Variants in STK33 observed in about 807,000 individuals in gnomAD.
STK33 encodes serine/threonine-protein kinase 33.
STK33 carries 52 observed loss-of-function variants against 58.0 expected under a neutral mutation model. That is an observed-to-expected ratio of 0.90 (90% CI 0.72 to 1.13). The LOEUF (loss-of-function observed/expected upper bound fraction) is 1.13. STK33 is among the 50% of genes most tolerant of loss of function. STK33 has a pLI of 0.00. For synonymous variants in STK33, 215 were observed against 200.1 expected, an observed-to-expected ratio of 1.07 and a Z score of -0.63; for missense variants, 630 against 604.2, an observed-to-expected ratio of 1.04 and a Z score of -0.45.
the STK33 span, among the ~76,000 whole-genome samples, chr11:8,377,243 G>A: frequency 6.6e-6 from 1 of 152,214 alleles, no homozygotes; most frequent in Non-Finnish European, 1.5e-5. Flanking sequence ...TGGATCCATT[G>A]CCTAGGCAGG....
intron 11 of STK33, among the ~76,000 whole-genome samples, chr11:8,451,308 A>G: frequency 6.6e-6 from 1 of 152,242 alleles, no homozygotes; most frequent in Middle Eastern, 3.2e-3. Flanking sequence ...ATTATTCATA[A>G]TAGCCATAAA....
intron 15 of STK33, among the ~76,000 whole-genome samples, chr11:8,411,456 C>T (rs557102445): frequency 2.5e-3 from 379 of 152,222 alleles, no homozygotes; most frequent in Non-Finnish European, 4.2e-3. Flanking sequence ...AGTTCAAGTG[C>T]TTTTGCTTTT....
chr11:8,453,847 C>T (rs903078996), intron 10 of STK33, among the ~76,000 whole-genome samples: 3 of 152,204 alleles, frequency 2.0e-5, no homozygotes, highest in African/African-American at 7.2e-5. Context: ...TTTTCACAAA[C>T]ATCTCACTTG....
At chr11:8,461,327 T>C (rs1346839280) in intron 8 of STK33, among the ~76,000 whole-genome samples, 1 of 152,180 alleles carries the variant, frequency 6.6e-6, no homozygotes, top group African/African-American at 2.4e-5. Flanking sequence ...AGAAGAATGA[T>C]AGCATCTAGG....
chr11:8,473,295 T>TA lies in STK33; in HGVS notation c.226-20_226-19insT, dbSNP rs1565120052. The TA allele has an allele frequency of 3.6e-6, 5 of 1,386,362 alleles. No homozygotes were observed. The highest frequency in any genetic ancestry group is 2.1e-5 in the Admixed American group (1 of 47,184). The allele number at this position is 1,386,362 out of a possible 1,614,324, so 85.9% of individuals were successfully genotyped here. On this transcript the variant is annotated intron_variant, in intron 5 of 15. Transcript: ENST00000687296. ...TTGAGGGCTGGGACCAAAAAAAAAATTAAAAAAAAAAAACTTTAAGATGTA... is the reference window on the plus strand; with the variant it reads ...TTGAGGGCTGGGACCAAAAAAAAAATATAAAAAAAAAAAACTTTAAGATGTA...
At chr11:8,409,641 C>T (rs142663917) in intron 15 of STK33, among the ~76,000 whole-genome samples, 4 of 152,296 alleles carry the variant, frequency 2.6e-5, no homozygotes, top group Non-Finnish European at 5.9e-5. Context: ...AGCACATTAT[C>T]ACTTCTGAAA....
At chr11:8,486,419 T>C (rs905377396) in intron 1 of STK33, among the ~76,000 whole-genome samples, 1 of 152,192 alleles carries the variant, frequency 6.6e-6, no homozygotes. Flanking sequence ...GAACACTCTT[T>C]CCCATTCCTC....
chr11:8,503,707 C>G (rs571336884), intron 1 of STK33, among the ~76,000 whole-genome samples: 1 of 152,174 alleles, frequency 6.6e-6, no homozygotes, highest in Non-Finnish European at 1.5e-5. Context: ...TTAGTCAGTT[C>G]GACTTAAAAT....
At chr11:8,554,624 C>A (rs1009248745) in intron 1 of STK33, among the ~76,000 whole-genome samples, 2 of 152,056 alleles carry the variant, frequency 1.3e-5, no homozygotes, top group Admixed American at 6.6e-5. Flanking sequence ...AGTGAGGATG[C>A]AGAGAAAGGG....
At chr11:8,495,376 T>G (rs1329202278) in intron 1 of STK33, among the ~76,000 whole-genome samples, 1 of 151,972 alleles carries the variant, frequency 6.6e-6, no homozygotes, top group African/African-American at 2.4e-5. Flanking sequence ...ATTAGAGAAA[T>G]GCAAATCAAA....
intron 1 of STK33, among the ~76,000 whole-genome samples, chr11:8,490,879 A>G (rs914982553): frequency 2.0e-5 from 3 of 152,186 alleles, no homozygotes; most frequent in Non-Finnish European, 4.4e-5. Context: ...CAACAAACGG[A>G]AAGGAATAGG....
chr11:8,440,699 A>G lies in STK33; in HGVS notation c.926T>C (p.Ile309Thr). ...DYSQQCDIWS[I>T]GVVMYMLLRG... ...TTACAACATGTACATTACGACGCCT[A>G]TGCTCCAAATGTCACACTGCTGGCT... The change falls in exon 12 of 16, where the codon ATA (isoleucine) becomes ACA (threonine). Residue 309 changes from isoleucine to threonine, a missense_variant. Physicochemically the swap from Ile to Thr is moderately conservative, Grantham distance 89. Coordinates refer to ENST00000687296, the MANE Select transcript of STK33 (RefSeq NM_001352389.2). The G allele has an allele frequency of 6.4e-7, 1 of 1,569,066 alleles. No individual in the cohort carries two copies. The highest frequency in any genetic ancestry group is 8.7e-7 in the Non-Finnish European group (1 of 1,154,796).
intron 1 of STK33, among the ~76,000 whole-genome samples, chr11:8,510,424 G>A (rs1358730656): frequency 6.6e-6 from 1 of 152,104 alleles, no homozygotes; most frequent in African/African-American, 2.4e-5. Flanking sequence ...TATGTAGTTG[G>A]AGAATATTTT....
chr11:8,587,634 A>G (rs1490603918), intron 1 of STK33, among the ~76,000 whole-genome samples: 1 of 151,494 alleles, frequency 6.6e-6, no homozygotes, highest in Non-Finnish European at 1.5e-5. Flanking sequence ...TCCCTTGAAG[A>G]TCATCATCTT....
chr11:8,492,479 C>T (rs1315838032), intron 1 of STK33, among the ~76,000 whole-genome samples: 1 of 152,164 alleles, frequency 6.6e-6, no homozygotes, highest in African/African-American at 2.4e-5. Flanking sequence ...GAGACTTAGA[C>T]TCCCACACAA....
At chr11:8,519,417 T>C (rs1429718785) in intron 1 of STK33, among the ~76,000 whole-genome samples, 1 of 151,900 alleles carries the variant, frequency 6.6e-6, no homozygotes, top group Non-Finnish European at 1.5e-5. Flanking sequence ...CACCCTAACA[T>C]CACAATTAAA....
intron 1 of STK33, among the ~76,000 whole-genome samples, chr11:8,561,673 C>T (rs975728158): frequency 1.3e-5 from 2 of 152,126 alleles, no homozygotes; most frequent in African/African-American, 2.4e-5. Context: ...TATGTTGGAT[C>T]TTCTCTGCCT....
At chr11:8,412,992 CAAAT>C (rs1195604889) in intron 15 of STK33, among the ~76,000 whole-genome samples, 1 of 152,122 alleles carries the variant, frequency 6.6e-6, no homozygotes, top group East Asian at 1.9e-4. Flanking sequence ...AATTCAGACA[CAAAT>C]AACTGAATAA....
At chr11:8,506,583 G>A (rs1012820751) in intron 1 of STK33, among the ~76,000 whole-genome samples, 9 of 151,876 alleles carry the variant, frequency 5.9e-5, no homozygotes, top group Non-Finnish European at 8.8e-5. Flanking sequence ...TTAAGGACTC[G>A]TGTGATTAGA....
Sources: allele counts gnomAD v4.1 joint callset (sites outside exome capture counted in the v4.1 genomes callset), GRCh38; gene constraint gnomAD v4.1.1; transcripts MANE v1.5; gene names NCBI Gene and HGNC (gene_info 2026-07-23, HGNC 2026-07-21).